The following SMAP2 variants were observed in gnomAD, a reference collection of about 807,000 sequenced individuals.
The protein encoded by SMAP2 is stromal membrane-associated protein 2.
A neutral mutation model predicts 56.4 loss-of-function variants in SMAP2; 25 were observed. That is an observed-to-expected ratio of 0.44 (90% CI 0.32 to 0.62). The LOEUF (loss-of-function observed/expected upper bound fraction) is 0.62, where lower values mean the gene tolerates loss of function less well. Among genes scored for constraint, SMAP2 ranks in the 20% least tolerant of loss-of-function variants. The pLI is 0.04. For missense variants in SMAP2, 388 were observed against 545.6 expected, an observed-to-expected ratio of 0.71 and a Z score of 2.88; for synonymous variants, 157 against 181.7, an observed-to-expected ratio of 0.86 and a Z score of 1.09.
At chr1:40,421,172 A>C (rs2124387551) in intron 9 of SMAP2, among the ~76,000 whole-genome samples, 1 of 152,226 alleles carries the variant, frequency 6.6e-6, no homozygotes, top group South Asian at 2.1e-4. Context: ...GTTTTATTGT[A>C]CTATTGTTTC....
Position 40,396,912 on chromosome 1 carries a change from C to T in SMAP2, c.104-9824C>T, listed in dbSNP as rs567698700. On this transcript the variant is annotated intron_variant, in intron 1 of 9. Transcript: ENST00000372718. ...TGAGGTAACTGGCACTAGATTTGTT[C>T]TTAAAACAAATACTGCTGCTTTTTT... is the stretch of plus-strand genomic sequence containing the variant. 7.8e-5 allele frequency: 72 copies of T among 926,760 alleles called. No homozygotes were observed. The South Asian group carries it at 3.2e-3, about 42-fold the overall frequency. 57.4% of individuals were successfully genotyped at this position (926,760 alleles called of 1,614,324 possible).
At chr1:40,367,914 G>A (rs1456354686) in intron 2 of SMAP2, among the ~76,000 whole-genome samples, 2 of 126,646 alleles carry the variant, frequency 1.6e-5, no homozygotes, top group East Asian at 2.5e-4. Flanking sequence ...GAATCCAGGA[G>A]CTGGTTTTTT....
rs1644526928 is a variant in SMAP2, at chr1:40,374,773, C to G, written c.103+550C>G. ...TGTCATTTTGCAGCCTTGCTAAGAT[C>G]TGACAAGAGTGCTTAGGTGACTTTA... On this transcript the variant is annotated intron_variant, in intron 1 of 9. Transcript: ENST00000372718. This position sits in a 1 kb window ranked among gnomAD's most constrained non-coding sequence, Gnocchi z 5.9. The G allele has an allele frequency of 6.4e-7, 1 of 1,550,534 alleles. No homozygotes were observed. The highest frequency in any genetic ancestry group is 1.4e-5 in the African/African-American group (1 of 73,142).
rs535895370 is a variant in SMAP2, at chr1:40,350,053, G to A, written c.-83+5143G>A. ...GGCTGTGGGGTTGAATCTCCCACCA[G>A]TGAGGAGAGCAGGTTTGTGACCATG... On this transcript the variant is annotated intron_variant, in intron 1 of 6. Coordinates refer to the SMAP2 transcript ENST00000435168. Among the ~76,000 whole-genome samples the A allele has an allele frequency of 2.0e-5, 3 of 152,306 alleles. No homozygotes were observed. In the East Asian group the frequency reaches 5.8e-4, roughly 29 times the overall value.
chr1:40,391,543 G>T (rs1249387968), intron 1 of SMAP2, among the ~76,000 whole-genome samples: 1 of 152,108 alleles, frequency 6.6e-6, no homozygotes, highest in Non-Finnish European at 1.5e-5. Context: ...CCCTGGGATT[G>T]TGAGTTATGG....
At chr1:40,406,902 A>G (rs1182313472) in intron 2 of SMAP2, 33 bp downstream of exon 2, 3 of 1,584,150 alleles carry the variant, frequency 1.9e-6, no homozygotes, top group Admixed American at 1.8e-5. Context: ...AGCTGCTTCC[A>G]TATATCTATG....
intron 9 of SMAP2, among the ~76,000 whole-genome samples, chr1:40,421,453 CCCCCGCCCCCG>C (rs1267584538): frequency 7.2e-5 from 11 of 151,834 alleles, no homozygotes; most frequent in Non-Finnish European, 1.5e-4. Flanking sequence ...CATTAGTCTT[CCCCCGCCCCCG>C]CCCCGCCACC....
chr1:40,398,877 T>A (rs545952115), intron 1 of SMAP2, among the ~76,000 whole-genome samples: 1 of 152,328 alleles, frequency 6.6e-6, no homozygotes, highest in Admixed American at 6.5e-5. Flanking sequence ...ATGCCGTGAG[T>A]ATATGATAGT....
intron 1 of SMAP2, among the ~76,000 whole-genome samples, chr1:40,397,222 T>C (rs762498657): frequency 6.6e-5 from 10 of 152,182 alleles, no homozygotes; most frequent in Admixed American, 2.0e-4. Context: ...TCATCTACTG[T>C]AGTAGTAGGA....
chr1:40,414,246 A>G lies in SMAP2; in HGVS notation c.571+6A>G, dbSNP rs762734372. The G allele has an allele frequency of 4.3e-6, 7 of 1,613,808 alleles. No homozygotes were observed. Among genetic ancestry groups the G allele is most frequent in the Non-Finnish European group, 5.9e-6 (7 of 1,179,836 alleles). On this transcript the variant is annotated splice_donor_region_variant and intron_variant, in intron 6 of 9. Transcript: ENST00000372718. ...CATGGATTTGTTGGGCCTTGGTAAG[A>G]GTTGGACTTTTCAGCTTCCATGTTC...
upstream of SMAP2, among the ~76,000 whole-genome samples, chr1:40,373,442 C>T (rs1644510836): frequency 6.6e-6 from 1 of 152,212 alleles, no homozygotes; most frequent in Admixed American, 6.5e-5. Flanking sequence ...GTGCCTAGCG[C>T]ATAGTAAGAG....
chr1:40,358,438 G>A (rs1319482969), intron 1 of SMAP2, among the ~76,000 whole-genome samples: 1 of 152,094 alleles, frequency 6.6e-6, no homozygotes, highest in Non-Finnish European at 1.5e-5. Context: ...CAGCTACTTG[G>A]GAGGCTAAGG....
chr1:40,359,663 T>C (rs975615358), intron 1 of SMAP2, among the ~76,000 whole-genome samples: 1 of 152,216 alleles, frequency 6.6e-6, no homozygotes, highest in Non-Finnish European at 1.5e-5. Context: ...ACTTTTTTGC[T>C]TTTTATTTTT....
At chr1:40,352,497 T>G (rs1205932371) in intron 1 of SMAP2, among the ~76,000 whole-genome samples, 1 of 152,178 alleles carries the variant, frequency 6.6e-6, no homozygotes, top group Non-Finnish European at 1.5e-5. Context: ...CTTTGTTGTT[T>G]CCCTTGCTCA....
intron 4 of SMAP2, among the ~76,000 whole-genome samples, chr1:40,410,690 C>A (rs533580839): frequency 3.3e-5 from 5 of 152,190 alleles, no homozygotes; most frequent in Admixed American, 1.3e-4. Flanking sequence ...CCATCCTAGG[C>A]ATGTTTAGAA....
chr1:40,352,801 T>C (rs1175909654), intron 1 of SMAP2, among the ~76,000 whole-genome samples: 2 of 152,176 alleles, frequency 1.3e-5, no homozygotes, highest in Non-Finnish European at 2.9e-5. Context: ...GCTCTAAGAT[T>C]ACAGGTGTGA....
intron 1 of SMAP2, among the ~76,000 whole-genome samples, chr1:40,401,928 C>T (rs1644838526): frequency 6.6e-6 from 1 of 152,168 alleles, no homozygotes; most frequent in South Asian, 2.1e-4. Context: ...TCCCTTATTG[C>T]AGAGTGATTC....
At chr1:40,383,798 A>G (rs1332897984) in intron 1 of SMAP2, among the ~76,000 whole-genome samples, 4 of 152,220 alleles carry the variant, frequency 2.6e-5, no homozygotes, top group African/African-American at 7.2e-5. Context: ...CACATTGAGT[A>G]TATCTACAAC....
At chr1:40,417,877 A>G (rs1216885148) in intron 9 of SMAP2, among the ~76,000 whole-genome samples, 1 of 152,192 alleles carries the variant, frequency 6.6e-6, no homozygotes, top group African/African-American at 2.4e-5. Context: ...CTCTTAATCT[A>G]AGAAATTTAG....
Sources: allele counts gnomAD v4.1 joint callset (sites outside exome capture counted in the v4.1 genomes callset), GRCh38; gene constraint gnomAD v4.1.1; non-coding constraint Gnocchi (gnomAD v3.1); transcripts MANE v1.5; gene names NCBI Gene and HGNC (gene_info 2026-07-23, HGNC 2026-07-21).